ADAM32: variants seen among roughly 807,000 people sequenced by gnomAD.
ADAM32 encodes ADAM metallopeptidase domain 32, also known as disintegrin and metalloproteinase domain-containing protein 32.
A neutral mutation model predicts 114.9 loss-of-function variants in ADAM32; 89 were observed. The ratio of observed to expected loss-of-function variants is 0.77; its 90% CI spans 0.65 to 0.92. The LOEUF is 0.92. Among genes scored for constraint, ADAM32 ranks in the 40% least tolerant of loss-of-function variants. ADAM32 has a pLI of 0.00. For synonymous variants in ADAM32, 285 were observed against 307.5 expected (o/e 0.93, Z 0.77); for missense variants, 870 against 932.8 (o/e 0.93, Z 0.88).
intron 2 of ADAM32, among the ~76,000 whole-genome samples, chr8:39,123,885 T>C (rs1230040401): frequency 6.6e-6 from 1 of 152,130 alleles, no homozygotes; most frequent in Non-Finnish European, 1.5e-5. Flanking sequence ...TTTTGTATTT[T>C]TAGTAGAGAC....
At position 39,257,359 on chromosome 8, in the gene ADAM32, G is replaced by A; in HGVS notation, c.2162+16G>A. ...CAAGTAGCGAGTAAATTGCATTTGT[G>A]TTCTGAAGTTAAACATTAGTACCAT... On this transcript the variant is annotated intron_variant, in intron 19 of 24. Transcript: ENST00000379907. The A allele has an allele frequency of 6.2e-7, 1 of 1,612,280 alleles. No homozygotes were observed. Among genetic ancestry groups the A allele is most frequent in the Non-Finnish European group, 8.5e-7 (1 of 1,178,996 alleles).
intron 10 of ADAM32, among the ~76,000 whole-genome samples, chr8:39,171,854 T>C (rs1316498560): frequency 6.6e-6 from 1 of 151,206 alleles, no homozygotes; most frequent in African/African-American, 2.4e-5. Flanking sequence ...GTAATATCTA[T>C]ATATATGTTA....
intron 3 of ADAM32, among the ~76,000 whole-genome samples, chr8:39,143,423 G>T (rs925789398): frequency 2.0e-5 from 3 of 152,100 alleles, no homozygotes; most frequent in African/African-American, 7.2e-5. Flanking sequence ...TTATGTTGAT[G>T]CTATTCCTTT....
intron 17 of ADAM32, among the ~76,000 whole-genome samples, chr8:39,246,976 T>G (rs547162601): frequency 6.6e-6 from 1 of 152,310 alleles, no homozygotes; most frequent in South Asian, 2.1e-4. Flanking sequence ...CAGATTGGTT[T>G]CTTTCACTTA....
chr8:39,231,941 A>T (rs2129449300), intron 14 of ADAM32, 86 bp from the exon 15 acceptor site: 1 of 1,049,932 alleles, frequency 9.5e-7, no homozygotes, highest in Non-Finnish European at 1.4e-6. Flanking sequence ...ATTAATGGAG[A>T]GATAAAGGGA....
In ADAM32 at chr8:39,115,260, G is replaced by T. The variant is rs181891135; in HGVS notation, c.59-2826G>T. 1.7e-3 allele frequency among the ~76,000 whole-genome samples: 254 copies of T among 152,138 alleles called. 1 individual carries two copies. Among genetic ancestry groups the T allele is most frequent in the African/African-American group, 5.7e-3 (237 of 41,510 alleles). On this transcript the variant is annotated intron_variant, in intron 1 of 24. Coordinates refer to ENST00000379907, the MANE Select transcript of ADAM32 (RefSeq NM_145004.7). ...GTAATGGGACTTCTGGGTAAAATGG[G>T]AGTTCTCTTTTAGGTTCCTTGAGAA...
In ADAM32 at chr8:39,118,174, T is replaced by G. The variant is rs1018643800; in HGVS notation, c.138+9T>G. The G allele has an allele frequency of 5.1e-6, 7 of 1,377,822 alleles. No individual in the cohort carries two copies. Among genetic ancestry groups the G allele is most frequent in the Non-Finnish European group, 5.8e-6 (6 of 1,037,072 alleles). 85.3% of individuals were successfully genotyped at this position (1,377,822 alleles called of 1,614,324 possible). A position where few individuals can be genotyped will look rare whatever the true frequency, so the allele number is the denominator to read the frequency against. On this transcript the variant is annotated intron_variant, in intron 2 of 24. Transcript: ENST00000379907. The stretch of plus-strand genomic sequence containing the variant: ...GTTCAGAAATAGAATATGTAAGAGA[T>G]ATTTTTTCACAATCTAAATGTTTAT...
intron 10 of ADAM32, among the ~76,000 whole-genome samples, chr8:39,178,718 G>A (rs1047370317): frequency 2.0e-5 from 3 of 152,068 alleles, no homozygotes; most frequent in African/African-American, 7.2e-5. Context: ...TTTTGTTGAT[G>A]TTATTTTGAT....
chr8:39,222,950 C>T (rs879816512), intron 13 of ADAM32, 90 bp from the exon 14 acceptor site: 43 of 1,123,246 alleles, frequency 3.8e-5, no homozygotes, highest in South Asian at 9.9e-5. Flanking sequence ...TAGACTAAAG[C>T]GAAAATGATT....
chr8:39,208,999 C>G (rs1808037058), intron 11 of ADAM32, among the ~76,000 whole-genome samples: 1 of 152,106 alleles, frequency 6.6e-6, no homozygotes, highest in Non-Finnish European at 1.5e-5. Context: ...TTCCTCTACT[C>G]CCTTTGAAGG....
In ADAM32 at chr8:39,147,223, T is replaced by C. The variant is rs998806399; in HGVS notation, c.276+18T>C. On this transcript the variant is annotated intron_variant, in intron 4 of 24. Transcript: ENST00000379907. The stretch of plus-strand genomic sequence containing the variant: ...ATATTCAGGTAAGATTTAAATTCTG[T>C]GTTTTATAGTTTTTTTTAAATTTTT... The C allele has an allele frequency of 2.1e-6, 2 of 973,992 alleles. No homozygotes were observed. Among genetic ancestry groups the C allele is most frequent in the African/African-American group, 3.4e-5 (2 of 59,304 alleles). 60.3% of individuals were successfully genotyped at this position (973,992 alleles called of 1,614,324 possible).
intron 10 of ADAM32, among the ~76,000 whole-genome samples, chr8:39,180,854 C>T (rs1035760642): frequency 5.3e-5 from 8 of 152,196 alleles, no homozygotes; most frequent in African/African-American, 1.9e-4. Context: ...ACACGCCAAT[C>T]AGCACCCTCT....
intron 14 of ADAM32, among the ~76,000 whole-genome samples, chr8:39,229,652 A>T (rs1048035138): frequency 3.3e-5 from 5 of 152,180 alleles, no homozygotes; most frequent in African/African-American, 1.2e-4. Flanking sequence ...AAAATATCAC[A>T]ATCCTAAACA....
intron 10 of ADAM32, among the ~76,000 whole-genome samples, chr8:39,173,689 T>C (rs1805332585): frequency 6.6e-6 from 1 of 152,224 alleles, no homozygotes; most frequent in African/African-American, 2.4e-5. Context: ...TGTCAGTTTT[T>C]GCTTTTATTA....
chr8:39,193,441 A>C (rs566335030), intron 11 of ADAM32, among the ~76,000 whole-genome samples: 1 of 152,088 alleles, frequency 6.6e-6, no homozygotes, highest in Admixed American at 6.6e-5. Flanking sequence ...ATTGGGTTCA[A>C]TGTTCTCCTG....
At chr8:39,143,230 C>T (rs375670207) in intron 3 of ADAM32, among the ~76,000 whole-genome samples, 2 of 152,180 alleles carry the variant, frequency 1.3e-5, no homozygotes, top group African/African-American at 2.4e-5. Flanking sequence ...ACTCATTCTC[C>T]GTCCAATTTT....
At chr8:39,140,696 T>G (rs9650317) in intron 3 of ADAM32, among the ~76,000 whole-genome samples, 154 of 152,310 alleles carry the variant, frequency 1.0e-3, no homozygotes, top group Non-Finnish European at 1.6e-3. Context: ...TTCCCTCTTT[T>G]TCTATTGATT....
intron 19 of ADAM32, among the ~76,000 whole-genome samples, chr8:39,265,441 T>G (rs1443801469): frequency 1.3e-5 from 2 of 152,220 alleles, no homozygotes; most frequent in African/African-American, 4.8e-5. Context: ...ATCTTGCTTC[T>G]TTATACACTT....
In ADAM32 at chr8:39,261,125, A is replaced by G. The variant is rs142094204; in HGVS notation, c.2162+3782A>G. On this transcript the variant is annotated intron_variant, in intron 19 of 24. Transcript: ENST00000379907. ...TTGAAACTATATATTATTGTTAACT[A>G]TAGTCATCCTACAGTGATATAAAGA... 1.6e-3 allele frequency among the ~76,000 whole-genome samples: 244 copies of G among 152,284 alleles called. 5 individuals are homozygous for G. The East Asian group carries it at 0.035, about 22-fold the overall frequency.
Sources: gnomAD v4.1 joint callset for allele counts (sites outside exome capture counted in the v4.1 genomes callset) on GRCh38, gnomAD v4.1.1 for gene constraint, MANE v1.5 for transcripts, NCBI Gene and HGNC (gene_info 2026-07-23, HGNC 2026-07-21) for gene names.